TCF19: variants seen among roughly 807,000 people sequenced by gnomAD.
TCF19 encodes transcription factor SC1.
Under a neutral mutation model 18.3 loss-of-function variants are expected in TCF19, and 9 were observed. That is an observed-to-expected ratio of 0.49 (90% CI 0.30 to 0.86). The LOEUF (loss-of-function observed/expected upper bound fraction) is 0.86. Ranked by LOEUF, TCF19 falls within the 40% of genes least tolerant of loss-of-function variation. The probability of loss-of-function intolerance (pLI) is 0.07; values close to 1 mark genes in which losing one functional copy is unlikely to be tolerated. For synonymous variants in TCF19, 176 were observed against 185.3 expected (o/e 0.95, Z 0.41); for missense variants, 376 against 464.3 (o/e 0.81, Z 1.75).
Position 31,161,943 on chromosome 6 carries a change from A to G in TCF19, c.735A>G (p.Pro245=). 1.2e-6 allele frequency: 2 copies of G among 1,612,938 alleles called. No individual in the cohort carries two copies. Among genetic ancestry groups the G allele is most frequent in the Non-Finnish European group, 1.7e-6 (2 of 1,179,972 alleles). The part of the protein sequence containing the change: ...DDESEPPENP[P]PVLMEPRKKL... ...AGAGTGAGCCTCCTGAGAACCCGCC[A>G]CCGGTCCTTATGGAGCCCAGGAAGA... Residue 245 remains proline, a synonymous_variant, in exon 3 of 4, where the codon CCA becomes CCG. Coordinates refer to ENST00000376257, the MANE Select transcript of TCF19 (RefSeq NM_007109.3).
intron 2 of TCF19, among the ~76,000 whole-genome samples, 168 bp from the exon 3 acceptor site, chr6:31,161,276 CAAG>C (rs1482691926): frequency 6.6e-6 from 1 of 152,118 alleles, no homozygotes; most frequent in Non-Finnish European, 1.5e-5. Context: ...TCCTAGCTGA[CAAG>C]GAGTGTACTG....
In TCF19 at chr6:31,163,932, T is replaced by C. The variant is rs1346699602; in HGVS notation, c.*1215T>C. Reference sequence around the variant, plus strand: ...TAATGAGTCACTTATGGGCAGAGTATGCAAAAACCTTAAGTGGAAACCAAA... The same window carrying C: ...TAATGAGTCACTTATGGGCAGAGTACGCAAAAACCTTAAGTGGAAACCAAA... On this transcript the variant is annotated 3_prime_UTR_variant, in exon 4 of 4. Transcript: ENST00000376257. 2 of 985,866 alleles carry C rather than the reference T, an allele frequency of 2.0e-6. No homozygotes were observed. The highest frequency in any genetic ancestry group is 2.4e-6 in the Non-Finnish European group (2 of 830,370). 61.1% of individuals were successfully genotyped at this position (985,866 alleles called of 1,614,324 possible).
In TCF19 at chr6:31,163,409, G is replaced by A; in HGVS notation, c.*692G>A. On this transcript the variant is annotated 3_prime_UTR_variant, in exon 4 of 4. Coordinates refer to ENST00000376257, the MANE Select transcript of TCF19 (RefSeq NM_007109.3). ...AATATATGGGTTGAGCTGGAGGTAGGAATACAGGTAATTAAGGTTTCTAGT... is the reference window on the plus strand; with the variant it reads ...AATATATGGGTTGAGCTGGAGGTAGAAATACAGGTAATTAAGGTTTCTAGT... 1.0e-6 allele frequency: 1 copy of A among 985,474 alleles called. No individual in the cohort carries two copies. Among genetic ancestry groups the A allele is most frequent in the Non-Finnish European group, 1.2e-6 (1 of 829,956 alleles). 61.0% of individuals were successfully genotyped at this position (985,474 alleles called of 1,614,324 possible).
At position 31,162,782 on chromosome 6, in the gene TCF19, G is replaced by A. The variant is rs1235520956; in HGVS notation, c.*65G>A. ...AGTAGACACAGCAGCGAGCAAATAG[G>A]TCTGATAAATACCCCCCTTCCCTTC... On this transcript the variant is annotated 3_prime_UTR_variant, in exon 4 of 4. Transcript: ENST00000376257. The surrounding 1 kb of genome is among the most constrained non-coding windows in gnomAD (Gnocchi z 4.5). 1.3e-6 allele frequency: 2 copies of A among 1,572,374 alleles called. No homozygotes were observed. The highest frequency in any genetic ancestry group is 1.7e-6 in the Non-Finnish European group (2 of 1,164,772).
Position 31,161,640 on chromosome 6 carries a change from G to T in TCF19, c.432G>T (p.Arg144=), listed in dbSNP as rs1776784721. The stretch of plus-strand genomic sequence containing the variant: ...TCCCACGGTCTAGGGGAGAAGCCCG[G>T]GTTGGGGCTGGTTTCCGGCCTATGC... The part of the protein sequence containing the change: ...ITIPRSRGEA[R]VGAGFRPMLP... The change falls in exon 3 of 4, where the codon CGG becomes CGT. Residue 144 remains arginine, a synonymous_variant. Coordinates refer to ENST00000376257, the MANE Select transcript of TCF19 (RefSeq NM_007109.3). The T allele has an allele frequency of 6.5e-7, 1 of 1,531,276 alleles. No individual in the cohort carries two copies. Among genetic ancestry groups the T allele is most frequent in the Non-Finnish European group, 8.8e-7 (1 of 1,141,458 alleles). 94.9% of individuals were successfully genotyped at this position (1,531,276 alleles called of 1,614,324 possible).
At position 31,163,744 on chromosome 6, in the gene TCF19, TATAGAA is replaced by T; in HGVS notation, c.*1031_*1036del. 1.0e-6 allele frequency: 1 copy of T among 985,506 alleles called. No individual in the cohort carries two copies. The highest frequency in any genetic ancestry group is 1.2e-6 in the Non-Finnish European group (1 of 829,966). 61.0% of individuals were successfully genotyped at this position (985,506 alleles called of 1,614,324 possible). On this transcript the variant is annotated 3_prime_UTR_variant, in exon 4 of 4. Coordinates refer to ENST00000376257, the MANE Select transcript of TCF19 (RefSeq NM_007109.3). The stretch of plus-strand genomic sequence containing the variant: ...CAAACTATTGTCAAAGCATCATTTC[TATAGAA>T]ATAAAGCCTTATCTTGACCTGTTCT...
chr6:31,159,335 G>T lies in TCF19; in HGVS notation c.-135G>T. 1.2e-6 allele frequency: 1 copy of T among 830,568 alleles called. No homozygotes were observed. The highest frequency in any genetic ancestry group is 1.9e-6 in the Non-Finnish European group (1 of 534,372). The allele number at this position is 830,568 out of a possible 1,614,324, so 51.4% of individuals were successfully genotyped here. ...GGGCTATTCAGGTAGTGTGCTCAAA[G>T]TTGAAACCGCATACAGCACAACTCA... On this transcript the variant is annotated 5_prime_UTR_variant, in exon 2 of 4. Transcript: ENST00000376257.
rs2151087507 is a variant in TCF19, at chr6:31,159,301, T to C, written c.-169T>C. 1 of 656,612 alleles carries C rather than the reference T, an allele frequency of 1.5e-6. No homozygotes were observed. Among genetic ancestry groups the C allele is most frequent in the African/African-American group, 1.8e-5 (1 of 54,770 alleles). 40.7% of individuals were successfully genotyped at this position (656,612 alleles called of 1,614,324 possible). On this transcript the variant is annotated 5_prime_UTR_variant, in exon 2 of 4. Coordinates refer to ENST00000376257, the MANE Select transcript of TCF19 (RefSeq NM_007109.3). ...GCATTGAGTCCTAGGCTGCTTGCAC[T>C]CTGAATTTGGGCTATTCAGGTAGTG...
At chr6:31,160,767 A>G (rs1776709474) in intron 2 of TCF19, among the ~76,000 whole-genome samples, 1 of 151,858 alleles carries the variant, frequency 6.6e-6, no homozygotes, top group South Asian at 2.1e-4. Context: ...TCAAACAAAC[A>G]AACAAACAAA....
intron 2 of TCF19, among the ~76,000 whole-genome samples, chr6:31,161,166 AAAGAAAGAAAGAAAAAAAAAG>A (rs1417628014): frequency 1.9e-4 from 6 of 31,800 alleles, no homozygotes; most frequent in African/African-American, 8.5e-4. Flanking sequence ...AAAAAAAAAA[AAAGAAAGAAAGAAAAAAAAAG>A]AAGAAAGAAA....
At chr6:31,159,960 T>G (rs1315585350) in intron 2 of TCF19, among the ~76,000 whole-genome samples, 1 of 152,222 alleles carries the variant, frequency 6.6e-6, no homozygotes, top group Non-Finnish European at 1.5e-5. Flanking sequence ...AGTGGGGATG[T>G]TCTGAGGCCA....
At position 31,163,565 on chromosome 6, in the gene TCF19, C is replaced by T; in HGVS notation, c.*848C>T. 1 of 985,482 alleles carries T rather than the reference C, an allele frequency of 1.0e-6. No individual in the cohort carries two copies. The highest frequency in any genetic ancestry group is 1.2e-6 in the Non-Finnish European group (1 of 829,948). The allele number at this position is 985,482 out of a possible 1,614,324, so 61.0% of individuals were successfully genotyped here. A position where few individuals can be genotyped will look rare whatever the true frequency, so the allele number is the denominator to read the frequency against. ...GGCAAGAGAAAGCCTGGTAAACCAG[C>T]TACAGCAGTTTACCAGTGTGATGGC... On this transcript the variant is annotated 3_prime_UTR_variant, in exon 4 of 4. Coordinates refer to ENST00000376257, the MANE Select transcript of TCF19 (RefSeq NM_007109.3).
In TCF19 at chr6:31,162,124, G is replaced by A. The variant is rs1021686722; in HGVS notation, c.797+119G>A. ...ATGGGCACGGGAGGTGGAATAGATG[G>A]AATGGCAAGACCTGGGTTAGCTCTG... On this transcript the variant is annotated intron_variant, in intron 3 of 3. Transcript: ENST00000376257. This position sits in a 1 kb window ranked among gnomAD's most constrained non-coding sequence, Gnocchi z 4.5. 8.7e-7 allele frequency: 1 copy of A among 1,148,332 alleles called. No individual in the cohort carries two copies. The highest frequency in any genetic ancestry group is 1.2e-6 in the Non-Finnish European group (1 of 832,738). 71.1% of individuals were successfully genotyped at this position (1,148,332 alleles called of 1,614,324 possible).
rs774843313 is a variant in TCF19 at position 31,162,621 on chromosome 6, C to T, written c.942C>T (p.Asp314=). ...TVAWVQCDGC[D]VWFHVACVGC... ...CCTGGGTTCAGTGTGATGGCTGTGACGTCTGGTTCCATGTGGCCTGTGTTG... is the reference window on the plus strand; with the variant it reads ...CCTGGGTTCAGTGTGATGGCTGTGATGTCTGGTTCCATGTGGCCTGTGTTG... Residue 314 remains aspartate, a synonymous_variant, in exon 4 of 4, where the codon GAC becomes GAT. Coordinates refer to ENST00000376257, the MANE Select transcript of TCF19 (RefSeq NM_007109.3). The surrounding 1 kb of genome is among the most constrained non-coding windows in gnomAD (Gnocchi z 4.5). 6.8e-6 allele frequency: 11 copies of T among 1,612,826 alleles called. No homozygotes were observed. Among genetic ancestry groups the T allele is most frequent in the African/African-American group, 2.7e-5 (2 of 74,882 alleles).
In TCF19 at chr6:31,162,812, C is replaced by T; in HGVS notation, c.*95C>T. On this transcript the variant is annotated 3_prime_UTR_variant, in exon 4 of 4. Coordinates refer to ENST00000376257, the MANE Select transcript of TCF19 (RefSeq NM_007109.3). This position sits in a 1 kb window ranked among gnomAD's most constrained non-coding sequence, Gnocchi z 4.5. ...ATAAATACCCCCCTTCCCTTCCCTC[C>T]CCAGGAGGGAATGACTACAGGGAAG... The T allele has an allele frequency of 3.3e-6, 5 of 1,508,588 alleles. No homozygotes were observed. The highest frequency in any genetic ancestry group is 4.4e-6 in the Non-Finnish European group (5 of 1,134,196). The allele number at this position is 1,508,588 out of a possible 1,614,324, so 93.5% of individuals were successfully genotyped here. A position where few individuals can be genotyped will look rare whatever the true frequency, so the allele number is the denominator to read the frequency against.
In TCF19 at chr6:31,159,522, T is replaced by G; in HGVS notation, c.53T>G (p.Leu18Arg). The G allele has an allele frequency of 6.2e-7, 1 of 1,601,992 alleles. No individual in the cohort carries two copies. The highest frequency in any genetic ancestry group is 8.5e-7 in the Non-Finnish European group (1 of 1,174,884). Reference protein sequence around the residue: ...LRIGGGRGGDLYTFHPPAGAG... With the variant: ...LRIGGGRGGDRYTFHPPAGAG... ...ATAGGGGGCGGCAGGGGCGGTGATC[T>G]CTACACCTTCCACCCCCCCGCCGGG... The change falls in exon 2 of 4, where the codon CTC becomes CGC. Residue 18 changes from leucine to arginine, a missense_variant. By Grantham distance (102) the Leu-to-Arg change is moderately radical (BLOSUM62 -2). Coordinates refer to ENST00000376257, the MANE Select transcript of TCF19 (RefSeq NM_007109.3).
chr6:31,159,581 G>C lies in TCF19; in HGVS notation c.112G>C (p.Asp38His). 6.2e-7 allele frequency: 1 copy of C among 1,612,754 alleles called. No individual in the cohort carries two copies. The highest frequency in any genetic ancestry group is 8.5e-7 in the Non-Finnish European group (1 of 1,179,888). ...CACCTATCGCTTGGGCCACAGGGCC[G>C]ACCTGTGTGATGTGGCCCTGCGGCC... Reference protein sequence around the residue: ...GCTYRLGHRADLCDVALRPQQ... With the variant: ...GCTYRLGHRAHLCDVALRPQQ... The change falls in exon 2 of 4, where the codon GAC becomes CAC. Residue 38 changes from aspartate (D) to histidine (H), a missense_variant. By Grantham distance (81) the Asp-to-His change is moderately conservative. Coordinates refer to ENST00000376257, the MANE Select transcript of TCF19 (RefSeq NM_007109.3).
chr6:31,162,770 G>T lies in TCF19; in HGVS notation c.*53G>T. The stretch of plus-strand genomic sequence containing the variant: ...CACCTGCCCATGAGTAGACACAGCA[G>T]CGAGCAAATAGGTCTGATAAATACC... On this transcript the variant is annotated 3_prime_UTR_variant, in exon 4 of 4. Transcript: ENST00000376257. The surrounding 1 kb of genome is among the most constrained non-coding windows in gnomAD (Gnocchi z 4.5). The T allele has an allele frequency of 2.5e-6, 4 of 1,590,348 alleles. No homozygotes were observed. Among genetic ancestry groups the T allele is most frequent in the Non-Finnish European group, 3.4e-6 (4 of 1,172,894 alleles).
In TCF19 at chr6:31,162,832, G is replaced by A; in HGVS notation, c.*115G>A. ...CCCTCCCCAGGAGGGAATGACTACA[G>A]GGAAGAAGGATGGATTGATGTGGAC... On this transcript the variant is annotated 3_prime_UTR_variant, in exon 4 of 4. Transcript: ENST00000376257. The surrounding 1 kb of genome is among the most constrained non-coding windows in gnomAD (Gnocchi z 4.5). 6.8e-7 allele frequency: 1 copy of A among 1,471,774 alleles called. No individual in the cohort carries two copies. Among genetic ancestry groups the A allele is most frequent in the Non-Finnish European group, 9.0e-7 (1 of 1,116,218 alleles). 91.2% of individuals were successfully genotyped at this position (1,471,774 alleles called of 1,614,324 possible).
Sources: allele counts gnomAD v4.1 joint callset (sites outside exome capture counted in the v4.1 genomes callset), GRCh38; gene constraint gnomAD v4.1.1; non-coding constraint Gnocchi (gnomAD v3.1); transcripts MANE v1.5; gene names NCBI Gene and HGNC (gene_info 2026-07-23, HGNC 2026-07-21).